Variants in OTOG observed in about 807,000 individuals in gnomAD.
OTOG encodes otogelin.
In OTOG, 296 loss-of-function variants were observed where a neutral mutation model predicts 313.8. The ratio of observed to expected loss-of-function variants is 0.94; its 90% CI spans 0.86 to 1.04. The LOEUF is 1.04. Ranked by LOEUF, OTOG falls within the 50% of genes least tolerant of loss-of-function variation. The pLI, the probability that OTOG is intolerant of heterozygous loss-of-function variation, is 0.00. For synonymous variants in OTOG, 1,533 were observed against 1,554.9 expected, an observed-to-expected ratio of 0.99 and a Z score of 0.33; for missense variants, 3,948 against 3,840.1, an observed-to-expected ratio of 1.03 and a Z score of -0.74.
chr11:17,606,393 T>C (rs1278110575), intron 33 of OTOG, among the ~76,000 whole-genome samples: 1 of 152,226 alleles, frequency 6.6e-6, no homozygotes, highest in African/African-American at 2.4e-5. Context: ...CCAATTACAC[T>C]GTCTAAAAAT....
At chr11:17,585,689 A>G (rs1383971227) in intron 23 of OTOG, among the ~76,000 whole-genome samples, 2 of 152,160 alleles carry the variant, frequency 1.3e-5, no homozygotes, top group Non-Finnish European at 2.9e-5. Context: ...GCATCGTGCC[A>G]TGCTTGGGTT....
rs1424468732 is a variant in OTOG, at chr11:17,631,874, C to T, written c.6885C>T (p.Pro2295=). ...PDSCATTDCS[P]CLRMVSNRTF... ...GCTGCGCCACAACTGACTGCTCGCC[C>T]TGCCTTCGCATGGTGTCCAACCGCA... The change falls in exon 41 of 56, where the codon CCC becomes CCT. Residue 2295 remains proline (P), a synonymous_variant. Transcript: ENST00000399397. The T allele has an allele frequency of 1.9e-6, 3 of 1,550,432 alleles. No individual in the cohort carries two copies. Among genetic ancestry groups the T allele is most frequent in the African/African-American group, 2.7e-5 (2 of 73,076 alleles).
intron 25 of OTOG, among the ~76,000 whole-genome samples, chr11:17,591,815 C>T (rs923880316): frequency 1.3e-5 from 2 of 152,204 alleles, no homozygotes; most frequent in South Asian, 2.1e-4. Flanking sequence ...TAATCTTGCT[C>T]TGTTGGGTCC....
intron 24 of OTOG, among the ~76,000 whole-genome samples, chr11:17,589,444 A>G (rs1590023229): frequency 6.6e-6 from 1 of 152,202 alleles, no homozygotes; most frequent in Non-Finnish European, 1.5e-5. Flanking sequence ...CCCGTACAAC[A>G]GATGAACTAA....
At chr11:17,604,322 T>G (rs1853329250) in intron 32 of OTOG, among the ~76,000 whole-genome samples, 1 of 152,228 alleles carries the variant, frequency 6.6e-6, no homozygotes, top group Non-Finnish European at 1.5e-5. Flanking sequence ...CAACCCCGCC[T>G]TCTTGAAGGA....
chr11:17,617,463 A>T (rs1853748524), intron 39 of OTOG, among the ~76,000 whole-genome samples: 1 of 152,212 alleles, frequency 6.6e-6, no homozygotes, highest in Admixed American at 6.5e-5. Context: ...AGATTTTAAA[A>T]CACACGTTCA....
chr11:17,628,953 C>T (rs1035884560), intron 39 of OTOG, among the ~76,000 whole-genome samples, 180 bp from the exon 40 acceptor site: 5 of 152,334 alleles, frequency 3.3e-5, no homozygotes, highest in Admixed American at 6.5e-5. Flanking sequence ...ATGCCACTTT[C>T]GACGGTGATT....
At chr11:17,628,445 C>G (rs567523847) in intron 39 of OTOG, among the ~76,000 whole-genome samples, 2 of 151,726 alleles carry the variant, frequency 1.3e-5, no homozygotes, top group African/African-American at 2.4e-5. Flanking sequence ...TTGTAATAAC[C>G]CATGGTACAT....
At chr11:17,552,617 T>TCACCTGTCCTGTGTCCCC (rs1851968311) in intron 4 of OTOG, among the ~76,000 whole-genome samples, 1 of 151,324 alleles carries the variant, frequency 6.6e-6, no homozygotes, top group African/African-American at 2.4e-5. Context: ...ACCTGTCCTC[T>TCACCTGTCCTGTGTCCCC]CACATCATGG....
At chr11:17,575,892 C>G (rs939473636) in intron 20 of OTOG, among the ~76,000 whole-genome samples, 1 of 152,154 alleles carries the variant, frequency 6.6e-6, no homozygotes, top group Non-Finnish European at 1.5e-5. Flanking sequence ...GGCGTCCGGT[C>G]CATAACTCAC....
chr11:17,560,614 A>G, intron 12 of OTOG, 95 bp from the exon 13 acceptor site: 1 of 854,616 alleles, frequency 1.2e-6, no homozygotes, highest in South Asian at 1.6e-5. Flanking sequence ...GAAAGAAGTT[A>G]GATAAGGGGA....
intron 47 of OTOG, among the ~76,000 whole-genome samples, chr11:17,636,949 A>C (rs1183882654): frequency 1.3e-5 from 2 of 152,180 alleles, no homozygotes; most frequent in African/African-American, 4.8e-5. Context: ...GTGAAGGACC[A>C]AATGGTCCTT....
At chr11:17,571,234 G>A (rs1852397773) in intron 17 of OTOG, among the ~76,000 whole-genome samples, 1 of 152,202 alleles carries the variant, frequency 6.6e-6, no homozygotes, top group Non-Finnish European at 1.5e-5. Flanking sequence ...AGATGTTAGG[G>A]TAGCTGGCCA....
At position 17,547,930 on chromosome 11, in the gene OTOG, C is replaced by T. The variant is rs1592056499; in HGVS notation, c.98C>T (p.Ala33Val). The change falls in exon 2 of 56, where the codon GCA (alanine) becomes GTA (valine). Residue 33 changes from alanine (A) to valine (V), a missense_variant. Transcript: ENST00000399397. ...GGAGAATAATCCCCCTCCCCAGCCGCAGCACCCGTTCTGTGGGGCAGTGCA... is the reference window on the plus strand; with the variant it reads ...GGAGAATAATCCCCCTCCCCAGCCGTAGCACCCGTTCTGTGGGGCAGTGCA... The part of the protein sequence containing the change: ...AESLRVQRLA[A>V]APVLWGSAEP... 15 of 460,478 alleles carry T rather than the reference C, an allele frequency of 3.3e-5. No individual in the cohort carries two copies. In the East Asian group the frequency reaches 5.0e-4, roughly 15 times the overall value. The allele number at this position is 460,478 out of a possible 1,614,324, so 28.5% of individuals were successfully genotyped here. A position where few individuals can be genotyped will look rare whatever the true frequency, so the allele number is the denominator to read the frequency against.
chr11:17,564,794 G>A (rs570022546), intron 15 of OTOG, among the ~76,000 whole-genome samples: 158 of 152,312 alleles, frequency 1.0e-3, no homozygotes, highest in African/African-American at 3.5e-3. Flanking sequence ...TTTTAAATAT[G>A]ATGAGACAGG....
At chr11:17,632,699 G>A (rs1367055795) in intron 42 of OTOG, among the ~76,000 whole-genome samples, 1 of 152,030 alleles carries the variant, frequency 6.6e-6, no homozygotes, top group Non-Finnish European at 1.5e-5. Context: ...CCTTCCTGCA[G>A]GAAGGAAATG....
rs921841438 is a variant in OTOG, at chr11:17,555,917, C to T, written c.659+20C>T. 4.6e-6 allele frequency: 7 copies of T among 1,522,824 alleles called. No homozygotes were observed. Among genetic ancestry groups the T allele is most frequent in the South Asian group, 3.6e-5 (3 of 83,482 alleles). The allele number at this position is 1,522,824 out of a possible 1,614,324, so 94.3% of individuals were successfully genotyped here. ...CATGAGGTAACTCTAACACCTTCCA[C>T]ATCGAGCTGTCCTATCCCTGACACT... On this transcript the variant is annotated intron_variant, in intron 7 of 55. Transcript: ENST00000399397.
chr11:17,582,625 T>A (rs1204958489), intron 23 of OTOG, among the ~76,000 whole-genome samples: 1 of 152,202 alleles, frequency 6.6e-6, no homozygotes, highest in African/African-American at 2.4e-5. Context: ...TCACTAACAC[T>A]TGGTGTTTTC....
At position 17,608,329 on chromosome 11, in the gene OTOG, G is replaced by A. The variant is rs1853439982; in HGVS notation, c.4190G>A (p.Cys1397Tyr). 6.5e-7 allele frequency: 1 copy of A among 1,546,176 alleles called. No individual in the cohort carries two copies. The highest frequency in any genetic ancestry group is 8.7e-7 in the Non-Finnish European group (1 of 1,145,252). Residue 1397 changes from cysteine (C) to tyrosine (Y), a missense_variant, in exon 34 of 56, where the codon TGC (cysteine) becomes TAC (tyrosine). Transcript: ENST00000399397. Reference sequence around the variant, plus strand: ...CCCTCGGGGGCTGCCTACCCCATCTGCGAGTGGCGCTACGATGCCTGTGCC... The same window carrying A: ...CCCTCGGGGGCTGCCTACCCCATCTACGAGTGGCGCTACGATGCCTGTGCC... ...AKPSGAAYPI[C>Y]EWRYDACASP... is the part of the protein sequence containing the mutation.
Sources: gnomAD v4.1 joint callset for allele counts (sites outside exome capture counted in the v4.1 genomes callset) on GRCh38, gnomAD v4.1.1 for gene constraint, MANE v1.5 for transcripts, NCBI Gene and HGNC (gene_info 2026-07-23, HGNC 2026-07-21) for gene names.